Variants in ZNF510 observed in about 807,000 individuals in gnomAD.
ZNF510 encodes the protein zinc finger protein 510.
In ZNF510, 15 loss-of-function variants were observed where a neutral mutation model predicts 18.1. That is an observed-to-expected ratio of 0.83 (90% CI 0.55 to 1.28). The LOEUF (loss-of-function observed/expected upper bound fraction) is 1.28. ZNF510 is among the 50% of genes most tolerant of loss of function. The pLI is 0.00. For missense variants in ZNF510, 724 were observed against 791.8 expected, an observed-to-expected ratio of 0.91 and a Z score of 1.03; for synonymous variants, 261 against 266.4, an observed-to-expected ratio of 0.98 and a Z score of 0.20.
chr9:96,763,767 A>G (rs1849410780), intron 3 of ZNF510, 135 bp from the exon 4 acceptor site: 2 of 897,134 alleles, frequency 2.2e-6, no homozygotes. Context: ...TTTGAATCTA[A>G]TTTAATCTTA....
In ZNF510 at chr9:96,760,153, T is replaced by A; in HGVS notation, c.677A>T (p.Tyr226Phe). 1 of 1,612,264 alleles carries A rather than the reference T, an allele frequency of 6.2e-7. No individual in the cohort carries two copies. Among genetic ancestry groups the A allele is most frequent in the Non-Finnish European group, 8.5e-7 (1 of 1,179,372 alleles). Residue 226 changes from tyrosine (Y) to phenylalanine (F), a missense_variant, in exon 6 of 6, where the codon TAT becomes TTT. Transcript: ENST00000223428. Reference sequence around the variant, plus strand: ...AGCTTTCATGTTTTTATTATGTTCATAAAATTTCTCTCCAGTCTGAGTTTT... The same window carrying A: ...AGCTTTCATGTTTTTATTATGTTCAAAAAATTTCTCTCCAGTCTGAGTTTT... ...FEKTQTGEKF[Y>F]EHNKNMKALN...
chr9:96,773,639 G>A (rs1020830764), intron 3 of ZNF510, among the ~76,000 whole-genome samples: 5 of 151,548 alleles, frequency 3.3e-5, no homozygotes, highest in Admixed American at 1.3e-4. Flanking sequence ...GCAGTAGCAC[G>A]ATCTCAGCTC....
chr9:96,769,372 C>T (rs1280185726), intron 3 of ZNF510, among the ~76,000 whole-genome samples: 3 of 150,612 alleles, frequency 2.0e-5, no homozygotes, highest in Non-Finnish European at 2.9e-5. Flanking sequence ...AGGAGAAGGA[C>T]GTTGCAGTGA....
At chr9:96,769,900 A>T (rs772331294) in intron 3 of ZNF510, among the ~76,000 whole-genome samples, 11 of 152,302 alleles carry the variant, frequency 7.2e-5, no homozygotes, top group East Asian at 5.8e-4. Flanking sequence ...CCATAATTTT[A>T]AAAAAAGGGA....
rs1461355869 is a variant in ZNF510, at chr9:96,759,853, T to C, written c.977A>G (p.Tyr326Cys). The change falls in exon 6 of 6, where the codon TAT (tyrosine) becomes TGT (cysteine). Residue 326 changes from tyrosine (Y) to cysteine (C), a missense_variant. Coordinates refer to ENST00000223428, the MANE Select transcript of ZNF510 (RefSeq NM_014930.3). ...TTTTATACCCATATTAAGTTTATTA[T>C]ATTCCTCCACAGTTGACTTCTCAAA... ...KSFEKSTVEE[Y>C]NKLNMGIKHY... 2 of 1,613,592 alleles carry C rather than the reference T, an allele frequency of 1.2e-6. No individual in the cohort carries two copies. The highest frequency in any genetic ancestry group is 1.1e-5 in the South Asian group (1 of 91,084).
At chr9:96,763,964 G>A (rs1849413445) in intron 3 of ZNF510, among the ~76,000 whole-genome samples, 1 of 152,108 alleles carries the variant, frequency 6.6e-6, no homozygotes, top group South Asian at 2.1e-4. Context: ...AGGTATGGTG[G>A]TATGTGCCTG....
rs534811876 is a variant in ZNF510 at position 96,755,275 on chromosome 9, A to G, written c.*3503T>C. The stretch of plus-strand genomic sequence containing the variant: ...AAGGGGCAGGAAGAGAGATGATTCT[A>G]AATATTTTCTTTCAGAAAGTGTCTT... On this transcript the variant is annotated 3_prime_UTR_variant, in exon 6 of 6. Coordinates refer to ENST00000223428, the MANE Select transcript of ZNF510 (RefSeq NM_014930.3). Among the ~76,000 whole-genome samples the G allele has an allele frequency of 3.3e-5, 5 of 151,704 alleles. No homozygotes were observed. In the South Asian group the frequency reaches 1.0e-3, roughly 31 times the overall value.
In ZNF510 at chr9:96,756,644, C is replaced by T. The variant is rs1849200281; in HGVS notation, c.*2134G>A. The T allele has an allele frequency of 6.6e-6, 1 of 152,140 alleles. No homozygotes were observed. Among genetic ancestry groups the T allele is most frequent in the African/African-American group, 2.4e-5 (1 of 41,426 alleles). The allele number at this position is 152,140 out of a possible 1,614,324, so 9.4% of individuals were successfully genotyped here. A position where few individuals can be genotyped will look rare whatever the true frequency, so the allele number is the denominator to read the frequency against. On this transcript the variant is annotated 3_prime_UTR_variant, in exon 6 of 6. Transcript: ENST00000223428. ...CCTAAAGTGGAATTTTAGGTCAGAACCCTCTACCCAAGGAAGAGATATCCA... is the reference window on the plus strand; with the variant it reads ...CCTAAAGTGGAATTTTAGGTCAGAATCCTCTACCCAAGGAAGAGATATCCA...
rs776247601 is a variant in ZNF510 at position 96,760,203 on chromosome 9, A to C, written c.627T>G (p.Asn209Lys). The change falls in exon 6 of 6, where the codon AAT becomes AAG. Residue 209 changes from asparagine (N) to lysine (K), a missense_variant. Transcript: ENST00000223428. Reference protein sequence around the residue: ...KKIGCGNVCENSPFKINFEKT... With the variant: ...KKIGCGNVCEKSPFKINFEKT... ...TCTCAAAGTTAATTTTGAAAGGTGAATTCTCACATACATTACCGCAACCTA... is the reference window on the plus strand; with the variant it reads ...TCTCAAAGTTAATTTTGAAAGGTGACTTCTCACATACATTACCGCAACCTA... 2 of 1,613,264 alleles carry C rather than the reference A, an allele frequency of 1.2e-6. No homozygotes were observed. Among genetic ancestry groups the C allele is most frequent in the Admixed American group, 3.3e-5 (2 of 59,918 alleles).
At chr9:96,761,391 T>C (rs1475398988) in intron 5 of ZNF510, among the ~76,000 whole-genome samples, 1 of 152,230 alleles carries the variant, frequency 6.6e-6, no homozygotes, top group East Asian at 1.9e-4. Context: ...GCAAATATCA[T>C]CTGCCACTTC....
chr9:96,766,991 A>C (rs1241409353), intron 3 of ZNF510, among the ~76,000 whole-genome samples: 1 of 152,166 alleles, frequency 6.6e-6, no homozygotes, highest in Non-Finnish European at 1.5e-5. Context: ...GGCCATACAC[A>C]TAGGTGGATT....
At chr9:96,771,773 A>G (rs10978903) in intron 3 of ZNF510, among the ~76,000 whole-genome samples, 5,694 of 152,248 alleles carry the variant, frequency 0.037, 351 homozygotes, top group African/African-American at 0.13. Context: ...CCTAGGTATA[A>G]GATCAATACT....
chr9:96,765,898 A>G (rs1324029357), intron 3 of ZNF510, among the ~76,000 whole-genome samples: 1 of 152,308 alleles, frequency 6.6e-6, no homozygotes, highest in East Asian at 1.9e-4. Context: ...GGTATGGCTC[A>G]TGGAGAAAAT....
At chr9:96,760,539 C>T (rs1265722457) in intron 5 of ZNF510, 62 bp from the exon 6 acceptor site, 2 of 1,417,308 alleles carry the variant, frequency 1.4e-6, no homozygotes, top group African/African-American at 1.4e-5. Flanking sequence ...AGAGCTTTAT[C>T]AACATACAGC....
intron 1 of ZNF510, among the ~76,000 whole-genome samples, chr9:96,777,047 G>A (rs1849718277): frequency 6.6e-6 from 1 of 152,174 alleles, no homozygotes; most frequent in Non-Finnish European, 1.5e-5. Flanking sequence ...AGATTTTCAT[G>A]TAGCTACTAG....
chr9:96,766,091 A>G (rs1849465085), intron 3 of ZNF510, among the ~76,000 whole-genome samples: 1 of 152,202 alleles, frequency 6.6e-6, no homozygotes, highest in African/African-American at 2.4e-5. Flanking sequence ...TCCTCTGAGT[A>G]ATGGTTCAGT....
At position 96,763,638 on chromosome 9, in the gene ZNF510, AC is replaced by A; in HGVS notation, c.130-7del. The A allele has an allele frequency of 1.2e-6, 2 of 1,600,068 alleles. No homozygotes were observed. Among genetic ancestry groups the A allele is most frequent in the African/African-American group, 2.7e-5 (2 of 74,380 alleles). On this transcript the variant is annotated splice_polypyrimidine_tract_variant and splice_region_variant and intron_variant, in intron 3 of 5. Coordinates refer to ENST00000223428, the MANE Select transcript of ZNF510 (RefSeq NM_014930.3). ...TCCTTGAATGACACTGATGCCTGTA[AC>A]AGTACATTTCTATTCAATCTGAAGG...
In ZNF510 at chr9:96,759,814, T is replaced by C; in HGVS notation, c.1016A>G (p.Asn339Ser). 1 of 1,613,840 alleles carries C rather than the reference T, an allele frequency of 6.2e-7. No homozygotes were observed. Among genetic ancestry groups the C allele is most frequent in the South Asian group, 1.1e-5 (1 of 91,084 alleles). Residue 339 changes from asparagine (N) to serine (S), a missense_variant, in exon 6 of 6, where the codon AAT (asparagine) becomes AGT (serine). Physicochemically the swap from Asn to Ser is conservative, Grantham distance 46. Coordinates refer to ENST00000223428, the MANE Select transcript of ZNF510 (RefSeq NM_014930.3). ...TCTGTTGAAATTATTTCCACTTGGA[T>C]TTAATTCATAATGTTTTATACCCAT... ...LNMGIKHYEL[N>S]PSGNNFNRKA...
chr9:96,772,078 T>G (rs1849595435), intron 3 of ZNF510, among the ~76,000 whole-genome samples: 1 of 152,084 alleles, frequency 6.6e-6, no homozygotes, highest in Non-Finnish European at 1.5e-5. Context: ...AAAGATAAAC[T>G]AATTGGACCA....
Sources: gnomAD v4.1 joint callset for allele counts (sites outside exome capture counted in the v4.1 genomes callset) on GRCh38, gnomAD v4.1.1 for gene constraint, MANE v1.5 for transcripts, NCBI Gene and HGNC (gene_info 2026-07-23, HGNC 2026-07-21) for gene names.